Variants in VSTM2B observed in about 807,000 individuals in gnomAD.
VSTM2B encodes the protein V-set and transmembrane domain-containing protein 2B.
In VSTM2B, 24 loss-of-function variants were observed where a neutral mutation model predicts 24.0. The observed-to-expected ratio is 1.00, with a 90% CI of 0.72 to 1.40. VSTM2B has a LOEUF of 1.40. Ranked by LOEUF, VSTM2B falls within the 40% of genes most tolerant of loss-of-function variation. The pLI, the probability that VSTM2B is intolerant of heterozygous loss-of-function variation, is 0.00. For missense variants in VSTM2B, 399 were observed against 416.4 expected (o/e 0.96, Z 0.36); for synonymous variants, 226 against 194.4 (o/e 1.16, Z -1.35).
chr19:29,531,254 G>A (rs1442863728), intron 4 of VSTM2B, among the ~76,000 whole-genome samples: 1 of 152,146 alleles, frequency 6.6e-6, no homozygotes, highest in African/African-American at 2.4e-5. Flanking sequence ...CCCTCCCTTG[G>A]CCCCTCTCCT....
chr19:29,558,428 C>G (rs1970459181), intron 4 of VSTM2B, among the ~76,000 whole-genome samples: 1 of 152,166 alleles, frequency 6.6e-6, no homozygotes, highest in Admixed American at 6.5e-5. Flanking sequence ...CACTGCAGCA[C>G]TATTCACAAT....
At chr19:29,549,048 A>T (rs1970213505) in intron 4 of VSTM2B, among the ~76,000 whole-genome samples, 1 of 152,200 alleles carries the variant, frequency 6.6e-6, no homozygotes. Context: ...AGCTTGGTGG[A>T]AAAGCAGTCC....
chr19:29,525,605 G>A (rs144404305), upstream of VSTM2B: 1,178 of 152,508 alleles, frequency 7.7e-3, 5 homozygotes, highest in Admixed American at 0.016. Context: ...CCACCCATCC[G>A]TCATGGCCCA....
At chr19:29,541,665 G>A (rs1375671226) in intron 4 of VSTM2B, among the ~76,000 whole-genome samples, 5 of 152,056 alleles carry the variant, frequency 3.3e-5, no homozygotes, top group East Asian at 1.9e-4. Context: ...ATAGAAGGGA[G>A]AATAAATGGG....
chr19:29,535,479 T>A (rs75673464), intron 4 of VSTM2B, among the ~76,000 whole-genome samples: 1 of 152,042 alleles, frequency 6.6e-6, no homozygotes, highest in Non-Finnish European at 1.5e-5. Context: ...GAGAGCCGGC[T>A]GGATGTGGCA....
rs544354824 is a variant in VSTM2B, at chr19:29,538,252, C to T, written c.769+7962C>T. ...TCCATCACTTCCCACTCTCTCTGTA[C>T]GAGTTCCGTCATCTGTTATCATCAG... On this transcript the variant is annotated intron_variant, in intron 4 of 4. Coordinates refer to ENST00000335523, the MANE Select transcript of VSTM2B (RefSeq NM_001146339.2). Among the ~76,000 whole-genome samples the T allele has an allele frequency of 2.6e-4, 39 of 152,274 alleles. No individual in the cohort carries two copies. The South Asian group carries it at 4.1e-3, about 16-fold the overall frequency.
chr19:29,534,166 A>G (rs550044151), intron 4 of VSTM2B, among the ~76,000 whole-genome samples: 295 of 152,322 alleles, frequency 1.9e-3, no homozygotes, highest in Non-Finnish European at 3.6e-3. Flanking sequence ...AGTGGGAGCC[A>G]TCAGCAGACC....
intron 4 of VSTM2B, among the ~76,000 whole-genome samples, chr19:29,549,375 G>A (rs952274703): frequency 1.3e-5 from 2 of 151,678 alleles, no homozygotes; most frequent in Non-Finnish European, 1.5e-5. Context: ...TGCTGCCCCA[G>A]GGGAGCTCTA....
At chr19:29,528,156 C>G (rs891250136) in intron 2 of VSTM2B, among the ~76,000 whole-genome samples, 1 of 152,170 alleles carries the variant, frequency 6.6e-6, no homozygotes, top group Non-Finnish European at 1.5e-5. Context: ...AGGGGCTTTC[C>G]TTCCCACCCT....
At chr19:29,545,175 G>A (rs372113822) in intron 4 of VSTM2B, among the ~76,000 whole-genome samples, 5 of 152,030 alleles carry the variant, frequency 3.3e-5, no homozygotes, top group East Asian at 3.9e-4. Flanking sequence ...TCCGGGGGTC[G>A]GCAGGGTGGA....
intron 4 of VSTM2B, among the ~76,000 whole-genome samples, chr19:29,536,234 G>A (rs1457561377): frequency 2.0e-5 from 3 of 152,212 alleles, no homozygotes; most frequent in East Asian, 1.9e-4. Context: ...AGGGCACCCA[G>A]GTAATTCCAG....
chr19:29,544,912 G>A (rs529861435), intron 4 of VSTM2B, among the ~76,000 whole-genome samples: 7 of 152,306 alleles, frequency 4.6e-5, no homozygotes, highest in South Asian at 4.1e-4. Flanking sequence ...TCAGGGTTCC[G>A]GCACCGTGCT....
At position 29,530,355 on chromosome 19, in the gene VSTM2B, G is replaced by A. The variant is rs1969719889; in HGVS notation, c.769+65G>A. ...CGCAGGGCTAGGGCTGCGCCGGGAC[G>A]CCCCGGGGGGCTCCGGACCCAGGAC... is the stretch of plus-strand genomic sequence containing the variant. On this transcript the variant is annotated intron_variant, in intron 4 of 4. Coordinates refer to ENST00000335523, the MANE Select transcript of VSTM2B (RefSeq NM_001146339.2). The A allele has an allele frequency of 8.8e-6, 12 of 1,362,232 alleles. No homozygotes were observed. In the East Asian group the frequency reaches 1.9e-4, roughly 21 times the overall value. 84.4% of individuals were successfully genotyped at this position (1,362,232 alleles called of 1,614,324 possible).
chr19:29,528,601 T>G, intron 3 of VSTM2B, 139 bp downstream of exon 3: 2 of 1,100,734 alleles, frequency 1.8e-6, no homozygotes, highest in East Asian at 2.6e-5. Context: ...CTTGCATCGG[T>G]GGCTGCTCGG....
intron 4 of VSTM2B, among the ~76,000 whole-genome samples, chr19:29,531,111 G>T (rs1281829029): frequency 6.6e-6 from 1 of 151,036 alleles, no homozygotes; most frequent in Admixed American, 6.6e-5. Flanking sequence ...GGGTGGGGGC[G>T]GTGGGGGGCG....
rs779184121 is a variant in VSTM2B, at chr19:29,526,605, G to A, written c.22G>A (p.Gly8Ser). The A allele has an allele frequency of 3.3e-6, 5 of 1,527,088 alleles. No homozygotes were observed. In the East Asian group the frequency reaches 1.0e-4, roughly 31 times the overall value. The allele number at this position is 1,527,088 out of a possible 1,614,324, so 94.6% of individuals were successfully genotyped here. The change falls in exon 1 of 5, where the codon GGT becomes AGT. Residue 8 changes from glycine (G) to serine (S), a missense_variant. Coordinates refer to ENST00000335523, the MANE Select transcript of VSTM2B (RefSeq NM_001146339.2). This position sits in a 1 kb window ranked among gnomAD's most constrained non-coding sequence, Gnocchi z 4.1. MEQRNRL[G>S]ALGYLPPLLL... Reference sequence around the variant, plus strand: ...GGAGATGGAACAGCGGAACCGGCTCGGTGCCCTCGGATACCTGCCGCCTCT... The same window carrying A: ...GGAGATGGAACAGCGGAACCGGCTCAGTGCCCTCGGATACCTGCCGCCTCT...
chr19:29,529,015 G>T (rs1332145302), intron 3 of VSTM2B: 15 of 985,484 alleles, frequency 1.5e-5, no homozygotes, highest in Non-Finnish European at 1.7e-5. Flanking sequence ...GCTAACTCTG[G>T]GAGGAGATGC....
chr19:29,554,162 G>A (rs1406507649), intron 4 of VSTM2B, among the ~76,000 whole-genome samples: 1 of 152,020 alleles, frequency 6.6e-6, no homozygotes, highest in Admixed American at 6.6e-5. Flanking sequence ...AAATGTAAAG[G>A]GCAACCAGAG....
Position 29,528,425 on chromosome 19 carries a change from C to T in VSTM2B, c.268-8C>T, listed in dbSNP as rs1177680176. On this transcript the variant is annotated splice_region_variant and splice_polypyrimidine_tract_variant and intron_variant, in intron 2 of 4. Coordinates refer to ENST00000335523, the MANE Select transcript of VSTM2B (RefSeq NM_001146339.2). ...CCTCACGTCTCTCTCTCCCTCTTTGCATTTTAGGTAACAAATAAGGATGCA... is the reference window on the plus strand; with the variant it reads ...CCTCACGTCTCTCTCTCCCTCTTTGTATTTTAGGTAACAAATAAGGATGCA... 2.6e-6 allele frequency: 4 copies of T among 1,551,216 alleles called. No homozygotes were observed. The highest frequency in any genetic ancestry group is 3.5e-6 in the Non-Finnish European group (4 of 1,146,966).
Sources: allele counts gnomAD v4.1 joint callset (sites outside exome capture counted in the v4.1 genomes callset), GRCh38; gene constraint gnomAD v4.1.1; non-coding constraint Gnocchi (gnomAD v3.1); transcripts MANE v1.5; gene names NCBI Gene and HGNC (gene_info 2026-07-23, HGNC 2026-07-21).